NEK6: variants seen among roughly 807,000 people sequenced by gnomAD.
NEK6 encodes the protein serine/threonine-protein kinase Nek6.
In NEK6, 27 loss-of-function variants were observed where a neutral mutation model predicts 43.5. That is an observed-to-expected ratio of 0.62 (90% CI 0.46 to 0.86). The LOEUF (loss-of-function observed/expected upper bound fraction) is 0.86, where lower values mean the gene tolerates loss of function less well. NEK6 is among the 40% of genes least tolerant of loss of function. NEK6 has a pLI of 0.00. For missense variants in NEK6, 318 were observed against 414.4 expected (o/e 0.77, Z 2.02); for synonymous variants, 167 against 164.1 (o/e 1.02, Z -0.14).
At chr9:124,337,210 A>G (rs142202585) in intron 7 of NEK6, among the ~76,000 whole-genome samples, 1 of 152,220 alleles carries the variant, frequency 6.6e-6, no homozygotes, top group African/African-American at 2.4e-5. Flanking sequence ...AGCTCATCCA[A>G]TATGTGCCCT....
intron 5 of NEK6, 116 bp downstream of exon 5, chr9:124,321,685 G>C: frequency 1.5e-6 from 1 of 677,800 alleles, no homozygotes. Context: ...GCGGCCACCC[G>C]GGGACCCTGG....
At chr9:124,322,724 G>A (rs748740240) in intron 5 of NEK6, among the ~76,000 whole-genome samples, 5 of 152,240 alleles carry the variant, frequency 3.3e-5, no homozygotes, top group Admixed American at 1.3e-4. Context: ...GCTGGGCCCC[G>A]CTGGAGCCCC....
At chr9:124,295,265 G>A (rs1009802668) in intron 1 of NEK6, among the ~76,000 whole-genome samples, 1 of 152,230 alleles carries the variant, frequency 6.6e-6, no homozygotes, top group Non-Finnish European at 1.5e-5. Context: ...GAGCTGGGGC[G>A]AGCGTGAGGG....
chr9:124,282,904 C>T (rs918016897), intron 1 of NEK6, among the ~76,000 whole-genome samples: 1 of 152,270 alleles, frequency 6.6e-6, no homozygotes, highest in South Asian at 2.1e-4. Flanking sequence ...AGCGGCCCCT[C>T]CCAGTAATGA....
At chr9:124,314,051 A>T (rs894352266) in intron 4 of NEK6, 66 bp downstream of exon 4, 154 of 1,433,472 alleles carry the variant, frequency 1.1e-4, no homozygotes, top group Non-Finnish European at 1.4e-4. Flanking sequence ...CGGCTGGGCC[A>T]CATCATGTCC....
At chr9:124,338,959 A>T (rs1043623794) in intron 7 of NEK6, among the ~76,000 whole-genome samples, 3 of 146,690 alleles carry the variant, frequency 2.0e-5, no homozygotes, top group South Asian at 4.3e-4. Flanking sequence ...CCGAGGAGGC[A>T]TCCCCTTCCC....
At position 124,313,925 on chromosome 9, in the gene NEK6, C is replaced by T. The variant is rs1299676997; in HGVS notation, c.234C>T (p.Ile78=). Residue 78 remains isoleucine, a splice_region_variant and synonymous_variant, in exon 4 of 10, where the codon ATC becomes ATT. Transcript: ENST00000320246. ...TTCTCTTTTTCCTCCCGCCCAAGATCTTTGAGATGATGGACGCCAAGGCGA... is the reference window on the plus strand; with the variant it reads ...TTCTCTTTTTCCTCCCGCCCAAGATTTTTGAGATGATGGACGCCAAGGCGA... The part of the protein sequence containing the change: ...RKTVALKKVQ[I]FEMMDAKARQ... 2 of 1,614,126 alleles carry T rather than the reference C, an allele frequency of 1.2e-6. No homozygotes were observed. Among genetic ancestry groups the T allele is most frequent in the East Asian group, 2.2e-5 (1 of 44,878 alleles).
intron 7 of NEK6, among the ~76,000 whole-genome samples, chr9:124,329,644 GCCTGCA>G (rs1564652415): frequency 6.6e-6 from 1 of 152,238 alleles, no homozygotes; most frequent in Non-Finnish European, 1.5e-5. Flanking sequence ...ATGAGCTGAG[GCCTGCA>G]CGGAGCTGAG....
upstream of NEK6, chr9:124,257,646 C>T: frequency 2.6e-6 from 4 of 1,518,082 alleles, no homozygotes; most frequent in Non-Finnish European, 3.5e-6. Context: ...GCACAGGAGT[C>T]CAAGGGTTGG....
intron 5 of NEK6, among the ~76,000 whole-genome samples, chr9:124,323,350 T>C (rs117773881): frequency 2.6e-5 from 4 of 152,176 alleles, no homozygotes; most frequent in Admixed American, 2.0e-4. Context: ...CCGGATCACG[T>C]AGGGCCTGTT....
chr9:124,341,600 C>T lies in NEK6; in HGVS notation c.717+1935C>T, dbSNP rs569628632. On this transcript the variant is annotated intron_variant, in intron 8 of 9. Transcript: ENST00000320246. Reference sequence around the variant, plus strand: ...TGAATGAGGACCTAGCTGGAGCAGCCATGGCGAGTGTGTAGTGGATGGGGA... The same window carrying T: ...TGAATGAGGACCTAGCTGGAGCAGCTATGGCGAGTGTGTAGTGGATGGGGA... 4.6e-5 allele frequency among the ~76,000 whole-genome samples: 7 copies of T among 152,262 alleles called. No individual in the cohort carries two copies. The East Asian group carries it at 1.4e-3, about 29-fold the overall frequency.
Position 124,312,653 on chromosome 9 carries a change from A to G in NEK6, c.231+4A>G. 6.2e-7 allele frequency: 1 copy of G among 1,610,874 alleles called. No homozygotes were observed. Among genetic ancestry groups the G allele is most frequent in the Non-Finnish European group, 8.5e-7 (1 of 1,177,676 alleles). ...AGTGGCTCTGAAGAAGGTGCAGGTG[A>G]GCTGACAACCCGTGGGGTCAAACCT... On this transcript the variant is annotated splice_donor_region_variant and intron_variant, in intron 3 of 9. Transcript: ENST00000320246.
chr9:124,291,424 C>G (rs928893085), intron 1 of NEK6, among the ~76,000 whole-genome samples: 1 of 152,102 alleles, frequency 6.6e-6, no homozygotes, highest in Non-Finnish European at 1.5e-5. Context: ...GTTAGGAGTT[C>G]GAGACCAGCC....
chr9:124,270,523 TA>T (rs150847752), intron 1 of NEK6, among the ~76,000 whole-genome samples: 13 of 149,512 alleles, frequency 8.7e-5, no homozygotes, highest in African/African-American at 2.7e-4. Flanking sequence ...CAAAAAGCAG[TA>T]AAAAAAAAAC....
intron 7 of NEK6, among the ~76,000 whole-genome samples, chr9:124,338,091 C>A (rs910352498): frequency 2.0e-5 from 3 of 152,170 alleles, no homozygotes; most frequent in Non-Finnish European, 4.4e-5. Flanking sequence ...AGGGTTTCTT[C>A]TGCCTCAGCC....
chr9:124,294,310 G>A (rs1014957276), intron 1 of NEK6, among the ~76,000 whole-genome samples: 33 of 152,294 alleles, frequency 2.2e-4, no homozygotes, highest in Admixed American at 1.8e-3. Flanking sequence ...CTGCCTGGGC[G>A]TGGTAGTCCT....
intron 1 of NEK6, among the ~76,000 whole-genome samples, chr9:124,295,564 C>T (rs557830232): frequency 1.8e-4 from 28 of 152,312 alleles, no homozygotes; most frequent in African/African-American, 6.0e-4. Flanking sequence ...TTCTGCCTGC[C>T]GCCTGCTGTG....
intron 8 of NEK6, among the ~76,000 whole-genome samples, chr9:124,345,402 G>C (rs955749486): frequency 6.6e-6 from 1 of 152,214 alleles, no homozygotes; most frequent in Non-Finnish European, 1.5e-5. Flanking sequence ...GCCTGTTCCT[G>C]GGGAAGGCCG....
chr9:124,321,974 G>A (rs1434709724), intron 5 of NEK6, among the ~76,000 whole-genome samples: 1 of 152,240 alleles, frequency 6.6e-6, no homozygotes, highest in Non-Finnish European at 1.5e-5. Context: ...CACAGAAGGA[G>A]CAGGGGCAGC....
Sources: allele counts gnomAD v4.1 joint callset (sites outside exome capture counted in the v4.1 genomes callset), GRCh38; gene constraint gnomAD v4.1.1; transcripts MANE v1.5; gene names NCBI Gene and HGNC (gene_info 2026-07-23, HGNC 2026-07-21).